Variants in GNA12 observed in about 807,000 individuals in gnomAD.
GNA12 encodes G protein subunit alpha 12, also known as guanine nucleotide-binding protein subunit alpha-12.
Under a neutral mutation model 26.0 loss-of-function variants are expected in GNA12, and 9 were observed. That is an observed-to-expected ratio of 0.35 (90% CI 0.21 to 0.60). GNA12 has a LOEUF of 0.60. GNA12 is among the 20% of genes least tolerant of loss of function. The pLI, the probability that GNA12 is intolerant of heterozygous loss-of-function variation, is 0.78. For missense variants in GNA12, 405 were observed against 525.8 expected (o/e 0.77, Z 2.25); for synonymous variants, 264 against 219.6 (o/e 1.20, Z -1.79).
chr7:2,820,827 C>G (rs982892361), intron 1 of GNA12, among the ~76,000 whole-genome samples: 1 of 152,242 alleles, frequency 6.6e-6, no homozygotes, highest in African/African-American at 2.4e-5. Flanking sequence ...AGCTTTCAAG[C>G]TCCTGGACTC....
intron 1 of GNA12, among the ~76,000 whole-genome samples, chr7:2,839,242 C>CTT (rs71026571): frequency 2.6e-5 from 4 of 151,330 alleles, no homozygotes; most frequent in Admixed American, 6.6e-5. Flanking sequence ...AAAATCTTTT[C>CTT]TTTTTTTTTG....
intron 2 of GNA12, among the ~76,000 whole-genome samples, chr7:2,739,943 G>C (rs1790414704): frequency 6.6e-6 from 1 of 152,180 alleles, no homozygotes; most frequent in African/African-American, 2.4e-5. Flanking sequence ...AAAGTGCTGG[G>C]ATTACAGGTG....
rs1789855137 is a variant in GNA12, at chr7:2,730,888, T to C, written c.*293A>G. The C allele has an allele frequency of 5.5e-6, 2 of 364,338 alleles. No homozygotes were observed. The highest frequency in any genetic ancestry group is 7.9e-4 in the Middle Eastern group (1 of 1,266). 22.6% of individuals were successfully genotyped at this position (364,338 alleles called of 1,614,324 possible). ...AAACTGCGTCAGAAAAAGAGGAACG[T>C]TTCTGTAAAAGCAAAGCAAGCTGTG... On this transcript the variant is annotated 3_prime_UTR_variant, in exon 4 of 4. Coordinates refer to ENST00000275364, the MANE Select transcript of GNA12 (RefSeq NM_007353.3).
chr7:2,733,309 T>C, intron 3 of GNA12, 142 bp downstream of exon 3: 1 of 709,288 alleles, frequency 1.4e-6, no homozygotes, highest in Non-Finnish European at 2.5e-6. Context: ...AGCGTGCCAT[T>C]ACAGTACTAT....
At chr7:2,806,442 A>G (rs1310665254) in intron 1 of GNA12, among the ~76,000 whole-genome samples, 1 of 138,306 alleles carries the variant, frequency 7.2e-6, no homozygotes, top group African/African-American at 2.7e-5. Flanking sequence ...TGGGGGATAG[A>G]GCGAGACTCT....
At chr7:2,828,116 T>C (rs1222294657) in intron 1 of GNA12, among the ~76,000 whole-genome samples, 2 of 152,204 alleles carry the variant, frequency 1.3e-5, no homozygotes, top group Non-Finnish European at 2.9e-5. Flanking sequence ...CCTTGGCAGA[T>C]ATTTACACAT....
intron 1 of GNA12, among the ~76,000 whole-genome samples, chr7:2,836,413 G>C (rs117831067): frequency 6.6e-6 from 1 of 152,226 alleles, no homozygotes; most frequent in African/African-American, 2.4e-5. Context: ...GCTACCCAGC[G>C]ACCTCAGGAC....
At chr7:2,833,784 G>A (rs1032632400) in intron 1 of GNA12, among the ~76,000 whole-genome samples, 21 of 151,892 alleles carry the variant, frequency 1.4e-4, no homozygotes, top group African/African-American at 3.6e-4. Flanking sequence ...CTGCCGCCAC[G>A]CAAACCCGCC....
rs75541286 is a variant in GNA12 at position 2,766,997 on chromosome 7, A to C, written c.525+27931T>G. 9.1e-4 allele frequency among the ~76,000 whole-genome samples: 139 copies of C among 152,318 alleles called. 3 individuals carry two copies. In the East Asian group the frequency reaches 0.023, roughly 25 times the overall value. On this transcript the variant is annotated intron_variant, in intron 2 of 3. Coordinates refer to ENST00000275364, the MANE Select transcript of GNA12 (RefSeq NM_007353.3). ...ATTTCTCTGACCATCAGGGATACTG[A>C]GATACTTTGCATAGGCTAGATGGCC...
At chr7:2,773,093 C>T (rs1383209640) in intron 2 of GNA12, among the ~76,000 whole-genome samples, 3 of 152,130 alleles carry the variant, frequency 2.0e-5, no homozygotes, top group African/African-American at 4.8e-5. Context: ...GTGAAACTAG[C>T]GTGGTCACCA....
intron 2 of GNA12, 101 bp downstream of exon 2, chr7:2,794,827 T>G (rs1301974513): frequency 1.1e-5 from 9 of 841,538 alleles, no homozygotes; most frequent in Non-Finnish European, 1.8e-5. Flanking sequence ...AGAGCTTGCT[T>G]GGACTGTTAC....
intron 1 of GNA12, among the ~76,000 whole-genome samples, chr7:2,842,023 G>A (rs1779003898): frequency 8.7e-6 from 1 of 115,114 alleles, no homozygotes; most frequent in Non-Finnish European, 2.0e-5. Context: ...GAGAAAGGAA[G>A]GGAGGAAGGA....
At chr7:2,785,441 A>C (rs1004162981) in intron 2 of GNA12, among the ~76,000 whole-genome samples, 1 of 152,354 alleles carries the variant, frequency 6.6e-6, no homozygotes, top group Admixed American at 6.5e-5. Flanking sequence ...TCTGAATCAC[A>C]CTATGGAAGT....
intron 1 of GNA12, among the ~76,000 whole-genome samples, chr7:2,815,691 C>T (rs1462763317): frequency 1.3e-5 from 2 of 152,204 alleles, no homozygotes; most frequent in Admixed American, 6.5e-5. Flanking sequence ...CCTGACCCAG[C>T]GTGGTGCTCC....
chr7:2,835,690 A>C (rs982805084), intron 1 of GNA12: 6 of 1,064,968 alleles, frequency 5.6e-6, no homozygotes, highest in Admixed American at 3.6e-5. Flanking sequence ...ACAAAAGATA[A>C]ACAAATTTGC....
chr7:2,811,611 G>A (rs1045761349), intron 1 of GNA12, among the ~76,000 whole-genome samples: 1 of 152,202 alleles, frequency 6.6e-6, no homozygotes, highest in Admixed American at 6.5e-5. Flanking sequence ...AAAGCACACG[G>A]CACAGATTTC....
intron 1 of GNA12, among the ~76,000 whole-genome samples, chr7:2,836,740 A>G (rs1778848749): frequency 6.6e-6 from 1 of 152,126 alleles, no homozygotes; most frequent in Non-Finnish European, 1.5e-5. Context: ...CCTGGCCAAC[A>G]TGGTGAAGTC....
intron 1 of GNA12, among the ~76,000 whole-genome samples, chr7:2,822,112 A>G (rs1355024491): frequency 6.6e-6 from 1 of 151,750 alleles, no homozygotes; most frequent in East Asian, 1.9e-4. Context: ...ACCTAGCTAA[A>G]AAACGTTAGA....
chr7:2,790,877 G>T (rs1792500456), intron 2 of GNA12, among the ~76,000 whole-genome samples: 1 of 152,104 alleles, frequency 6.6e-6, no homozygotes, highest in Non-Finnish European at 1.5e-5. Context: ...AGTAGGCTGA[G>T]GTGGGTGGTT....
Sources: allele counts gnomAD v4.1 joint callset (sites outside exome capture counted in the v4.1 genomes callset), GRCh38; gene constraint gnomAD v4.1.1; transcripts MANE v1.5; gene names NCBI Gene and HGNC (gene_info 2026-07-23, HGNC 2026-07-21).